The following CADM2 variants were observed in gnomAD, a reference collection of about 807,000 sequenced individuals.
The protein encoded by CADM2 is cell adhesion molecule 2.
Under a neutral mutation model 49.8 loss-of-function variants are expected in CADM2, and 12 were observed. That is an observed-to-expected ratio of 0.24 (90% confidence interval 0.15 to 0.39). CADM2 has a LOEUF of 0.39. Ranked by LOEUF, CADM2 falls within the 10% of genes least tolerant of loss-of-function variation. The pLI is 1.00. For missense variants in CADM2, 378 were observed against 492.3 expected, an observed-to-expected ratio of 0.77 and a Z score of 2.20; for synonymous variants, 214 against 175.4, an observed-to-expected ratio of 1.22 and a Z score of -1.74.
At chr3:85,163,079 T>C (rs1250762806) in intron 1 of CADM2, among the ~76,000 whole-genome samples, 1 of 152,092 alleles carries the variant, frequency 6.6e-6, no homozygotes, top group African/African-American at 2.4e-5. Flanking sequence ...TGACTCATCA[T>C]TCTTTATGCA....
chr3:85,205,244 A>T (rs1182742803), intron 1 of CADM2, among the ~76,000 whole-genome samples: 2 of 152,096 alleles, frequency 1.3e-5, no homozygotes. Context: ...GCTGATCTCA[A>T]ACTCCTGAGC....
chr3:85,874,626 T>C (rs1159124439), intron 3 of CADM2, among the ~76,000 whole-genome samples: 1 of 152,092 alleles, frequency 6.6e-6, no homozygotes, highest in Non-Finnish European at 1.5e-5. Context: ...ATGGTTCAAA[T>C]ACCATATCAT....
At chr3:85,542,437 A>G (rs990708299) in intron 1 of CADM2, among the ~76,000 whole-genome samples, 7 of 152,100 alleles carry the variant, frequency 4.6e-5, no homozygotes, top group Non-Finnish European at 1.0e-4. Flanking sequence ...GAACATTGTG[A>G]TGTCATCATC....
chr3:85,530,563 T>G (rs1210727477), intron 1 of CADM2, among the ~76,000 whole-genome samples: 1 of 151,940 alleles, frequency 6.6e-6, no homozygotes, highest in Non-Finnish European at 1.5e-5. Flanking sequence ...TCTCCTGACT[T>G]CATGATCCAC....
intron 1 of CADM2, among the ~76,000 whole-genome samples, chr3:85,707,924 C>T (rs562871422): frequency 2.6e-5 from 4 of 152,128 alleles, no homozygotes; most frequent in Non-Finnish European, 5.9e-5. Flanking sequence ...ATGTGAAAGG[C>T]TTTTTGGAGA....
chr3:86,036,834 T>A (rs1244332549), intron 8 of CADM2, among the ~76,000 whole-genome samples: 2 of 152,198 alleles, frequency 1.3e-5, no homozygotes, highest in Non-Finnish European at 2.9e-5. Context: ...TGGTGGTATG[T>A]GCCTGTTTGT....
chr3:85,191,750 A>T (rs545304487), intron 1 of CADM2, among the ~76,000 whole-genome samples: 1 of 152,268 alleles, frequency 6.6e-6, no homozygotes, highest in African/African-American at 2.4e-5. Context: ...TCATCCCTGA[A>T]TTCAGAACCC....
At chr3:85,458,877 G>T (rs2038113926) in intron 1 of CADM2, among the ~76,000 whole-genome samples, 1 of 152,154 alleles carries the variant, frequency 6.6e-6, no homozygotes, top group Non-Finnish European at 1.5e-5. Context: ...TTAAAAGGAA[G>T]GCAATCTCTA....
chr3:85,100,681 C>T (rs1335760882), intron 1 of CADM2, among the ~76,000 whole-genome samples: 2 of 152,162 alleles, frequency 1.3e-5, no homozygotes, highest in African/African-American at 4.8e-5. Flanking sequence ...CGAGGAGACT[C>T]ATACACACTT....
chr3:86,022,705 G>A (rs949846315), intron 8 of CADM2, among the ~76,000 whole-genome samples: 1 of 151,946 alleles, frequency 6.6e-6, no homozygotes, highest in Non-Finnish European at 1.5e-5. Flanking sequence ...CACTTAGAGA[G>A]CGTCCTCATT....
At chr3:85,460,504 C>T (rs544795767) in intron 1 of CADM2, among the ~76,000 whole-genome samples, 1 of 152,034 alleles carries the variant, frequency 6.6e-6, no homozygotes, top group South Asian at 2.1e-4. Context: ...GCAGGGAAAC[C>T]TTAAGTTTTT....
intron 2 of CADM2, among the ~76,000 whole-genome samples, chr3:85,733,799 C>T (rs758120104): frequency 6.6e-5 from 10 of 152,104 alleles, no homozygotes; most frequent in African/African-American, 1.2e-4. Context: ...AAACACATCT[C>T]ATCTGAAAGG....
chr3:85,280,038 C>T (rs777692587), intron 1 of CADM2, among the ~76,000 whole-genome samples: 24 of 151,552 alleles, frequency 1.6e-4, no homozygotes, highest in Non-Finnish European at 1.6e-4. Flanking sequence ...AATGTAGTCC[C>T]GCCTACATTA....
At chr3:85,088,754 T>G (rs1255953250) in intron 1 of CADM2, among the ~76,000 whole-genome samples, 1 of 152,134 alleles carries the variant, frequency 6.6e-6, no homozygotes, top group African/African-American at 2.4e-5. Context: ...GACATAAAAT[T>G]GTCTTTAGAA....
chr3:85,991,059 A>G (rs1034726049), intron 8 of CADM2, among the ~76,000 whole-genome samples: 3 of 152,208 alleles, frequency 2.0e-5, no homozygotes, highest in Non-Finnish European at 4.4e-5. Flanking sequence ...GGTGGGAAAG[A>G]TGCCAATCCC....
intron 1 of CADM2, among the ~76,000 whole-genome samples, chr3:85,024,462 A>C (rs533968662): frequency 6.6e-6 from 1 of 152,214 alleles, no homozygotes; most frequent in East Asian, 1.9e-4. Flanking sequence ...TGTTATAATC[A>C]TAAGTTATAA....
chr3:85,583,129 A>G (rs941628840), intron 1 of CADM2, among the ~76,000 whole-genome samples: 3 of 152,130 alleles, frequency 2.0e-5, no homozygotes, highest in Non-Finnish European at 4.4e-5. Flanking sequence ...GAACTTCATG[A>G]CAACTGGCAG....
intron 1 of CADM2, among the ~76,000 whole-genome samples, chr3:85,121,336 T>G (rs2038855927): frequency 6.6e-6 from 1 of 152,202 alleles, no homozygotes; most frequent in Admixed American, 6.5e-5. Flanking sequence ...ATTTACTTGC[T>G]GTCTGTGGGA....
chr3:85,131,352 C>G (rs183233662), intron 1 of CADM2, among the ~76,000 whole-genome samples: 13 of 152,156 alleles, frequency 8.5e-5, no homozygotes, highest in Non-Finnish European at 1.8e-4. Context: ...TAAGTTATCT[C>G]TATAGTTAAG....
Sources: allele counts gnomAD v4.1 joint callset (sites outside exome capture counted in the v4.1 genomes callset), GRCh38; gene constraint gnomAD v4.1.1; transcripts MANE v1.5; gene names NCBI Gene and HGNC (gene_info 2026-07-23, HGNC 2026-07-21).